Variants in MYRIP observed in about 807,000 individuals in gnomAD.
MYRIP encodes myosin VIIA and Rab interacting protein.
Under a neutral mutation model 98.0 loss-of-function variants are expected in MYRIP, and 49 were observed. The ratio of observed to expected loss-of-function variants is 0.50; its 90% confidence interval spans 0.40 to 0.63. The LOEUF (loss-of-function observed/expected upper bound fraction) is 0.63. MYRIP is among the 30% of genes least tolerant of loss of function. The pLI is 0.00. For synonymous variants in MYRIP, 404 were observed against 409.5 expected (o/e 0.99, Z 0.16); for missense variants, 1,004 against 1,058.2 (o/e 0.95, Z 0.71).
intron 1 of MYRIP, among the ~76,000 whole-genome samples, chr3:39,857,766 C>T (rs1019793975): frequency 6.6e-6 from 1 of 151,754 alleles, no homozygotes; most frequent in African/African-American, 2.4e-5. Flanking sequence ...GGAGCAAGAG[C>T]AAAATTATAG....
At chr3:39,868,688 C>A (rs946311480) in intron 1 of MYRIP, among the ~76,000 whole-genome samples, 2 of 152,146 alleles carry the variant, frequency 1.3e-5, no homozygotes, top group Non-Finnish European at 1.5e-5. Context: ...AGAATTTGCC[C>A]GTTCCTAGAG....
chr3:40,159,746 C>G (rs1328708118), intron 4 of MYRIP, among the ~76,000 whole-genome samples: 3 of 152,154 alleles, frequency 2.0e-5, no homozygotes, highest in African/African-American at 4.8e-5. Flanking sequence ...TCATTCATTT[C>G]ATCTTCCATC....
intron 2 of MYRIP, among the ~76,000 whole-genome samples, chr3:40,018,927 A>G (rs955449655): frequency 6.6e-6 from 1 of 152,108 alleles, no homozygotes; most frequent in Non-Finnish European, 1.5e-5. Flanking sequence ...TTCTCACTAC[A>G]ATGAGCTCCA....
At chr3:39,939,391 T>C (rs1208781527) in intron 2 of MYRIP, among the ~76,000 whole-genome samples, 3 of 152,142 alleles carry the variant, frequency 2.0e-5, no homozygotes, top group African/African-American at 7.2e-5. Flanking sequence ...ATGAAGACTA[T>C]GTAGCTACAT....
intron 3 of MYRIP, among the ~76,000 whole-genome samples, chr3:40,080,030 T>TA (rs1316371457): frequency 2.0e-5 from 3 of 152,226 alleles, no homozygotes; most frequent in African/African-American, 7.2e-5. Flanking sequence ...AATAACATGT[T>TA]AGTCATCACT....
chr3:39,967,947 ATTTG>A (rs1380732153), intron 2 of MYRIP, among the ~76,000 whole-genome samples: 8 of 151,958 alleles, frequency 5.3e-5, no homozygotes, highest in Non-Finnish European at 1.0e-4. Flanking sequence ...TCTCTTGTAA[ATTTG>A]TTTAAGTTTT....
At chr3:39,859,552 C>T (rs2125616175) in intron 1 of MYRIP, among the ~76,000 whole-genome samples, 1 of 152,236 alleles carries the variant, frequency 6.6e-6, no homozygotes, top group South Asian at 2.1e-4. Flanking sequence ...GATACTAGAG[C>T]AAGATGGGGA....
intron 2 of MYRIP, among the ~76,000 whole-genome samples, chr3:39,999,519 G>GA (rs1043089688): frequency 9.2e-5 from 14 of 152,122 alleles, no homozygotes; most frequent in Admixed American, 2.6e-4. Flanking sequence ...AAAAAGTCAG[G>GA]AAAAAATAGG....
chr3:39,874,764 T>G (rs1055604268), intron 1 of MYRIP, among the ~76,000 whole-genome samples: 5 of 152,222 alleles, frequency 3.3e-5, no homozygotes, highest in African/African-American at 1.2e-4. Flanking sequence ...TGAGGATTTT[T>G]GCATCAATGT....
intron 2 of MYRIP, among the ~76,000 whole-genome samples, chr3:39,978,293 G>A (rs1945804630): frequency 6.6e-6 from 1 of 152,186 alleles, no homozygotes; most frequent in South Asian, 2.1e-4. Flanking sequence ...CTGTGACACT[G>A]GAAGTTTTAT....
intron 2 of MYRIP, among the ~76,000 whole-genome samples, chr3:39,987,049 T>G (rs1468965872): frequency 2.0e-5 from 3 of 152,180 alleles, no homozygotes; most frequent in Non-Finnish European, 4.4e-5. Flanking sequence ...TGTAGCTTTG[T>G]TACATAGGTA....
chr3:39,886,205 G>A (rs1461997868), intron 1 of MYRIP, among the ~76,000 whole-genome samples: 1 of 151,624 alleles, frequency 6.6e-6, no homozygotes, highest in Non-Finnish European at 1.5e-5. Flanking sequence ...ACATGGAAAG[G>A]AACAACCGGT....
chr3:39,979,917 G>A (rs1377494458), intron 2 of MYRIP, among the ~76,000 whole-genome samples: 1 of 152,178 alleles, frequency 6.6e-6, no homozygotes, highest in Non-Finnish European at 1.5e-5. Flanking sequence ...TACAAGATCT[G>A]TTTAAATCAT....
At chr3:40,208,859 A>T (rs1206997451) in intron 10 of MYRIP, 1 of 152,234 alleles carries the variant, frequency 6.6e-6, no homozygotes, top group African/African-American at 2.4e-5. Flanking sequence ...ATGAAAAGTT[A>T]GTACTCATTA....
At position 40,244,481 on chromosome 3, in the gene MYRIP, G is replaced by A. The variant is rs1361430695; in HGVS notation, c.2136G>A (p.Glu712=). Residue 712 remains glutamate, a synonymous_variant, in exon 13 of 17, where the codon GAG becomes GAA. Transcript: ENST00000302541. The part of the protein sequence containing the change: ...YLAAGTVYGL[E]TQLTELEDAA... ...CAGCAGGCACTGTGTATGGACTGGA[G>A]ACCCAGCTGACTGAGCTAGAAGATG... The A allele has an allele frequency of 1.2e-6, 2 of 1,613,814 alleles. No individual in the cohort carries two copies. The highest frequency in any genetic ancestry group is 1.7e-6 in the Non-Finnish European group (2 of 1,179,894).
rs778836408 is a variant in MYRIP at position 40,166,881 on chromosome 3, C to T, written c.586C>T (p.Arg196Trp). ...SVMDTLAVALRVAEEAIEEAI... is the reference protein window; with the variant it reads ...SVMDTLAVALWVAEEAIEEAI... ...GATGGACACCTTGGCTGTGGCCCTA[C>T]GGGTGGCTGAAGAGGCCATTGAGGA... Residue 196 changes from arginine (R) to tryptophan (W), a missense_variant, in exon 6 of 17, where the codon CGG (arginine) becomes TGG (tryptophan). Transcript: ENST00000302541. The T allele has an allele frequency of 2.2e-5, 35 of 1,613,732 alleles. No individual in the cohort carries two copies. The highest frequency in any genetic ancestry group is 2.8e-5 in the Non-Finnish European group (33 of 1,179,850).
chr3:39,923,551 C>A (rs1456571287), intron 2 of MYRIP, among the ~76,000 whole-genome samples: 1 of 151,968 alleles, frequency 6.6e-6, no homozygotes, highest in African/African-American at 2.4e-5. Flanking sequence ...ACTCAGAATC[C>A]TATATTTTGT....
intron 3 of MYRIP, among the ~76,000 whole-genome samples, chr3:40,135,552 G>A (rs1412923485): frequency 6.6e-6 from 1 of 152,078 alleles, no homozygotes; most frequent in Non-Finnish European, 1.5e-5. Flanking sequence ...GATACTCCTC[G>A]AGAAGAGCAA....
intron 2 of MYRIP, among the ~76,000 whole-genome samples, chr3:40,026,191 G>A (rs1442780360): frequency 2.0e-5 from 3 of 152,014 alleles, no homozygotes; most frequent in African/African-American, 7.2e-5. Flanking sequence ...TATATTCCTT[G>A]CTAGGAAAAG....
Sources: allele counts gnomAD v4.1 joint callset (sites outside exome capture counted in the v4.1 genomes callset), GRCh38; gene constraint gnomAD v4.1.1; transcripts MANE v1.5; gene names NCBI Gene and HGNC (gene_info 2026-07-23, HGNC 2026-07-21).